LRP4: variants seen among roughly 807,000 people sequenced by gnomAD.
The protein encoded by LRP4 is LDL receptor related protein 4.
In LRP4, 95 loss-of-function variants were observed where a neutral mutation model predicts 220.3. That is an observed-to-expected ratio of 0.43 (90% CI 0.37 to 0.51). The LOEUF (loss-of-function observed/expected upper bound fraction) is 0.51, where lower values mean the gene tolerates loss of function less well. Ranked by LOEUF, LRP4 falls within the 20% of genes least tolerant of loss-of-function variation. The probability of loss-of-function intolerance (pLI) is 0.00; values close to 1 mark genes in which losing one functional copy is unlikely to be tolerated. For missense variants in LRP4, 1,925 were observed against 2,567.0 expected, an observed-to-expected ratio of 0.75 and a Z score of 5.40; for synonymous variants, 903 against 954.6, an observed-to-expected ratio of 0.95 and a Z score of 1.00.
At chr11:46,866,883 G>A (rs1940718727) in intron 34 of LRP4, among the ~76,000 whole-genome samples, 1 of 151,880 alleles carries the variant, frequency 6.6e-6, no homozygotes, top group African/African-American at 2.4e-5. Flanking sequence ...CTGTGTTCAT[G>A]CTACTGCACT....
At chr11:46,876,696 C>T in intron 24 of LRP4, 48 bp downstream of exon 24, 1 of 1,613,596 alleles carries the variant, frequency 6.2e-7, no homozygotes, top group Non-Finnish European at 8.5e-7. Context: ...GCTATTTCCC[C>T]AGCCCTGTTG....
intron 19 of LRP4, 95 bp from the exon 20 acceptor site, chr11:46,881,998 G>T: frequency 8.3e-7 from 1 of 1,208,930 alleles, no homozygotes; most frequent in Non-Finnish European, 1.2e-6. Context: ...GCCTGAAGCA[G>T]ATCCTCATCA....
chr11:46,868,539 G>T, intron 33 of LRP4, 61 bp downstream of exon 33: 1 of 1,187,172 alleles, frequency 8.4e-7, no homozygotes, highest in Non-Finnish European at 1.3e-6. Flanking sequence ...ATCAGAGGCT[G>T]CTGACTCTCA....
intron 1 of LRP4, among the ~76,000 whole-genome samples, chr11:46,912,869 C>T (rs1156391448): frequency 1.3e-5 from 2 of 152,210 alleles, no homozygotes. Context: ...AGAAAACCTC[C>T]GGTGATAAAT....
intron 2 of LRP4, among the ~76,000 whole-genome samples, chr11:46,902,578 A>G (rs1941687266): frequency 1.3e-5 from 2 of 152,226 alleles, no homozygotes; most frequent in East Asian, 3.8e-4. Context: ...ACATATATGC[A>G]TGAACCAACC....
At chr11:46,886,262 A>G (rs975171521) in intron 17 of LRP4, 63 bp downstream of exon 17, 2 of 1,600,744 alleles carry the variant, frequency 1.2e-6, no homozygotes, top group Non-Finnish European at 1.7e-6. Flanking sequence ...TGGCAAAGGT[A>G]TGGGAAGCCC....
intron 20 of LRP4, 94 bp downstream of exon 20, chr11:46,881,608 A>G (rs1941161457): frequency 8.2e-7 from 1 of 1,221,418 alleles, no homozygotes; most frequent in East Asian, 2.3e-5. Context: ...ATCTCCAATC[A>G]GCTGCCAGCC....
chr11:46,883,784 T>G, intron 19 of LRP4, 87 bp downstream of exon 19: 1 of 1,031,212 alleles, frequency 9.7e-7, no homozygotes, highest in Non-Finnish European at 1.5e-6. Context: ...TAAGATCTGG[T>G]CACTCTTCCT....
rs764880010 is a variant in LRP4, at chr11:46,873,391, C to G, written c.4432G>C (p.Val1478Leu). ...TAAACTTACCCCTTCCTGGGGAAAACAGCAATGGCCCGGGGCTCATCCAGG... is the reference window on the plus strand; with the variant it reads ...TAAACTTACCCCTTCCTGGGGAAAAGAGCAATGGCCCGGGGCTCATCCAGG... ...NSLDEPRAIAVFPRKGYLFWT... is the reference protein window; with the variant it reads ...NSLDEPRAIALFPRKGYLFWT... The change falls in exon 29 of 38, where the codon GTT (valine) becomes CTT (leucine). Residue 1478 changes from valine to leucine, a missense_variant. This residue lies in a region of LRP4 where 1,244 missense variants were observed against 1,624.9 expected (regional missense o/e 0.77). Coordinates refer to ENST00000378623, the MANE Select transcript of LRP4 (RefSeq NM_002334.4). This position sits in a 1 kb window ranked among gnomAD's most constrained non-coding sequence, Gnocchi z 4.2. 35 of 1,614,098 alleles carry G rather than the reference C, an allele frequency of 2.2e-5. No homozygotes were observed. The highest frequency in any genetic ancestry group is 3.0e-5 in the Non-Finnish European group (35 of 1,180,050).
At chr11:46,904,510 C>T (rs139414257) in intron 1 of LRP4, among the ~76,000 whole-genome samples, 4 of 116,006 alleles carry the variant, frequency 3.4e-5, no homozygotes, top group Admixed American at 2.1e-4. Context: ...GACGGACAGA[C>T]GGATGGATGG....
rs551327851 is a variant in LRP4, at chr11:46,910,774, A to C, written c.52+7554T>G. ...CTGCAACTTCCATCTCCCGGGTTCA[A>C]GCGATTCTCCTGCCTCAGCCTCCCA... is the stretch of plus-strand genomic sequence containing the variant. On this transcript the variant is annotated intron_variant, in intron 1 of 37. Coordinates refer to ENST00000378623, the MANE Select transcript of LRP4 (RefSeq NM_002334.4). 3.8e-4 allele frequency among the ~76,000 whole-genome samples: 55 copies of C among 146,228 alleles called. No individual in the cohort carries two copies. In the Admixed American group the frequency reaches 4.0e-3, roughly 11 times the overall value.
At chr11:46,906,098 G>C (rs1269038389) in intron 1 of LRP4, among the ~76,000 whole-genome samples, 1 of 152,104 alleles carries the variant, frequency 6.6e-6, no homozygotes, top group Non-Finnish European at 1.5e-5. Context: ...GGGTTCCATC[G>C]ACCAGCCAGT....
chr11:46,908,996 C>T (rs1248700793), intron 1 of LRP4, among the ~76,000 whole-genome samples: 2 of 152,232 alleles, frequency 1.3e-5, no homozygotes, highest in African/African-American at 2.4e-5. Context: ...GCCAGGATGG[C>T]AGCCCCATTC....
At chr11:46,881,470 T>C (rs1777457494) in intron 20 of LRP4, among the ~76,000 whole-genome samples, 1 of 152,104 alleles carries the variant, frequency 6.6e-6, no homozygotes, top group Non-Finnish European at 1.5e-5. Flanking sequence ...TCCACACAAG[T>C]CCCTAGTTTC....
At chr11:46,881,616 G>T in intron 20 of LRP4, 86 bp downstream of exon 20, 1 of 1,330,662 alleles carries the variant, frequency 7.5e-7, no homozygotes, top group Non-Finnish European at 1.1e-6. Flanking sequence ...TCAGCTGCCA[G>T]CCAAAAAGTA....
At chr11:46,874,566 G>A (rs1565781840) in intron 28 of LRP4, among the ~76,000 whole-genome samples, 1 of 151,692 alleles carries the variant, frequency 6.6e-6, no homozygotes, top group South Asian at 2.1e-4. Flanking sequence ...GACTTTACCT[G>A]TTTTTTTTGT....
intron 1 of LRP4, among the ~76,000 whole-genome samples, chr11:46,908,041 C>T (rs1032279963): frequency 1.3e-5 from 2 of 152,112 alleles, no homozygotes; most frequent in African/African-American, 4.8e-5. Context: ...AAGCAATTCT[C>T]CTGCCTCAGC....
rs532482330 is a variant in LRP4 at position 46,897,329 on chromosome 11, T to C, written c.797-335A>G. ...TTCAAGATTTATGGGTAGTGGCCTG[T>C]TTGTCTTTTTTTTTTTTTCTTTTTA... is the stretch of plus-strand genomic sequence containing the variant. On this transcript the variant is annotated intron_variant, in intron 7 of 37. Coordinates refer to ENST00000378623, the MANE Select transcript of LRP4 (RefSeq NM_002334.4). Among the ~76,000 whole-genome samples the C allele has an allele frequency of 7.1e-3, 940 of 133,154 alleles. 7 individuals are homozygous for C. The highest frequency in any genetic ancestry group is 0.026 in the Middle Eastern group (7 of 272). The allele number at this position is 133,154 out of a possible 152,430, so 87.4% of individuals were successfully genotyped here. A position where few individuals can be genotyped will look rare whatever the true frequency, so the allele number is the denominator to read the frequency against.
At chr11:46,864,299 C>T in intron 36 of LRP4, 149 bp downstream of exon 36, 1 of 707,200 alleles carries the variant, frequency 1.4e-6, no homozygotes, top group South Asian at 1.5e-5. Context: ...TAGGTTTCCA[C>T]CCTTTCCTTC....
Sources: allele counts gnomAD v4.1 joint callset (sites outside exome capture counted in the v4.1 genomes callset), GRCh38; gene constraint gnomAD v4.1.1; regional missense constraint gnomAD v4.1.1; non-coding constraint Gnocchi (gnomAD v3.1); transcripts MANE v1.5; gene names NCBI Gene and HGNC (gene_info 2026-07-23, HGNC 2026-07-21).